ABCD3: variants seen among roughly 807,000 people sequenced by gnomAD.
ABCD3 encodes the protein ATP binding cassette subfamily D member 3, also known as ATP-binding cassette sub-family D member 3.
In ABCD3, 41 loss-of-function variants were observed where a neutral mutation model predicts 105.5. The ratio of observed to expected loss-of-function variants is 0.39; its 90% CI spans 0.30 to 0.50. The LOEUF is 0.50. Among genes scored for constraint, ABCD3 ranks in the 20% least tolerant of loss-of-function variants. ABCD3 has a pLI of 0.84. For missense variants in ABCD3, 622 were observed against 806.3 expected, an observed-to-expected ratio of 0.77 and a Z score of 2.77; for synonymous variants, 258 against 269.0, an observed-to-expected ratio of 0.96 and a Z score of 0.40.
intron 2 of ABCD3, 37 bp from the exon 3 acceptor site, chr1:94,464,738 A>G: frequency 1.3e-6 from 2 of 1,510,222 alleles, no homozygotes; most frequent in Non-Finnish European, 9.2e-7. Flanking sequence ...TATGTTTGTT[A>G]TAGCTATCTT....
chr1:94,483,885 A>G (rs893200100), intron 10 of ABCD3, among the ~76,000 whole-genome samples: 30 of 152,212 alleles, frequency 2.0e-4, no homozygotes, highest in Non-Finnish European at 5.9e-5. Flanking sequence ...ATTTTTTGCA[A>G]TCTACCCATC....
intron 21 of ABCD3, among the ~76,000 whole-genome samples, chr1:94,508,385 G>A (rs1650471844): frequency 6.6e-6 from 1 of 152,038 alleles, no homozygotes; most frequent in Non-Finnish European, 1.5e-5. Flanking sequence ...TGCTGTTTTG[G>A]TTACTGTAGC....
intron 1 of ABCD3, among the ~76,000 whole-genome samples, chr1:94,429,774 G>T (rs1345452321): frequency 6.6e-6 from 1 of 152,240 alleles, no homozygotes; most frequent in Non-Finnish European, 1.5e-5. Context: ...CCCACATGGA[G>T]AACCTCTGCT....
chr1:94,466,950 A>G (rs1178820195), intron 3 of ABCD3, among the ~76,000 whole-genome samples: 4 of 152,172 alleles, frequency 2.6e-5, no homozygotes, highest in Non-Finnish European at 4.4e-5. Flanking sequence ...TAGAAAATTT[A>G]AGATCAGCTT....
rs1039107512 is a variant in ABCD3, at chr1:94,428,079, T to A, written c.110+9491T>A. Among the ~76,000 whole-genome samples, 35 of 152,152 alleles carry A rather than the reference T, an allele frequency of 2.3e-4. 1 individual carries two copies. The East Asian group carries it at 3.3e-3, about 14-fold the overall frequency. On this transcript the variant is annotated intron_variant, in intron 1 of 22. Transcript: ENST00000370214. ...AGTATGCTAAAAGGTGTTTTGTTTT[T>A]TTTTTTATTTTTTATTTTTTTGCCA...
chr1:94,485,981 C>T (rs1261077597), intron 10 of ABCD3, among the ~76,000 whole-genome samples: 1 of 152,086 alleles, frequency 6.6e-6, no homozygotes, highest in African/African-American at 2.4e-5. Flanking sequence ...CAGTTGAGGT[C>T]AGGAGTTCGA....
At chr1:94,460,158 C>T (rs1048578061) in intron 2 of ABCD3, among the ~76,000 whole-genome samples, 3 of 152,030 alleles carry the variant, frequency 2.0e-5, no homozygotes, top group Admixed American at 6.6e-5. Context: ...CATATGTTAA[C>T]GCAGTTGCTT....
intron 1 of ABCD3, among the ~76,000 whole-genome samples, chr1:94,431,121 AC>A (rs1441389749): frequency 1.3e-5 from 2 of 152,384 alleles, no homozygotes; most frequent in East Asian, 3.9e-4. Flanking sequence ...CTATAAAAAT[AC>A]TGCATATCAG....
upstream of ABCD3, among the ~76,000 whole-genome samples, chr1:94,415,971 T>A (rs1658992912): frequency 6.6e-6 from 1 of 152,234 alleles, no homozygotes; most frequent in African/African-American, 2.4e-5. Flanking sequence ...ATGGGCTTTA[T>A]CAATAGCTAA....
intron 5 of ABCD3, 124 bp from the exon 6 acceptor site, chr1:94,475,019 A>G: frequency 3.0e-6 from 2 of 675,932 alleles, no homozygotes; most frequent in South Asian, 1.8e-5. Flanking sequence ...ACTGAATTAT[A>G]TAAATTTGGA....
chr1:94,475,759 A>G (rs762551609), intron 7 of ABCD3, 22 bp downstream of exon 7: 9 of 1,580,612 alleles, frequency 5.7e-6, no homozygotes, highest in Middle Eastern at 3.6e-4. Context: ...TCCTTTTTAA[A>G]AGATTATTTG....
chr1:94,429,817 G>A (rs1557659354), intron 1 of ABCD3, among the ~76,000 whole-genome samples: 1 of 152,218 alleles, frequency 6.6e-6, no homozygotes, highest in South Asian at 2.1e-4. Flanking sequence ...TGAGGTTGGA[G>A]CCCCCACACA....
intron 1 of ABCD3, among the ~76,000 whole-genome samples, chr1:94,446,587 A>G (rs927426433): frequency 3.9e-5 from 6 of 152,206 alleles, no homozygotes; most frequent in African/African-American, 1.4e-4. Context: ...GAGGATTTGG[A>G]AGCACAAATA....
Position 94,491,229 on chromosome 1 carries a change from C to T in ABCD3, c.1368C>T (p.Ile456=). The change falls in exon 16 of 23, where the codon ATC becomes ATT. Residue 456 remains isoleucine (I), a synonymous_variant. Coordinates refer to ENST00000370214, the MANE Select transcript of ABCD3 (RefSeq NM_002858.4). The part of the protein sequence containing the change: ...PLATPNGDVL[I]RDLNFEVRSG... ...CAACGCCAAATGGAGATGTTTTGAT[C>T]CGAGACCTTAATTTTGAAGTAAGTT... 1 of 1,611,610 alleles carries T rather than the reference C, an allele frequency of 6.2e-7. No individual in the cohort carries two copies. The highest frequency in any genetic ancestry group is 8.5e-7 in the Non-Finnish European group (1 of 1,178,258).
chr1:94,396,305 A>C, the ABCD3 span, among the ~76,000 whole-genome samples: 2 of 152,204 alleles, frequency 1.3e-5, no homozygotes, highest in Non-Finnish European at 2.9e-5. Context: ...AGTGAGATAC[A>C]CCACTATAAA....
At chr1:94,504,573 C>G (rs552146549) in intron 20 of ABCD3, among the ~76,000 whole-genome samples, 1 of 152,238 alleles carries the variant, frequency 6.6e-6, no homozygotes. Flanking sequence ...TGTAAAGCAC[C>G]TTGTTCCTAG....
chr1:94,461,674 T>G (rs974428387), intron 2 of ABCD3, among the ~76,000 whole-genome samples: 1 of 152,124 alleles, frequency 6.6e-6, no homozygotes, highest in Non-Finnish European at 1.5e-5. Context: ...TACAGTTGTA[T>G]AGAGTTTTCA....
intron 1 of ABCD3, among the ~76,000 whole-genome samples, chr1:94,448,472 G>C (rs1039983466): frequency 6.6e-6 from 1 of 152,160 alleles, no homozygotes; most frequent in Non-Finnish European, 1.5e-5. Context: ...GTCTAGTAAC[G>C]GTAAAGCTTC....
At chr1:94,467,059 C>T (rs1452004311) in intron 3 of ABCD3, among the ~76,000 whole-genome samples, 3 of 152,174 alleles carry the variant, frequency 2.0e-5, no homozygotes, top group Admixed American at 6.5e-5. Flanking sequence ...TTCCCTGCTT[C>T]GTAATCTGTC....
Sources: gnomAD v4.1 joint callset for allele counts (sites outside exome capture counted in the v4.1 genomes callset) on GRCh38, gnomAD v4.1.1 for gene constraint, MANE v1.5 for transcripts, NCBI Gene and HGNC (gene_info 2026-07-23, HGNC 2026-07-21) for gene names.